SLC6A11: variants seen among roughly 807,000 people sequenced by gnomAD.
SLC6A11 encodes the protein sodium- and chloride-dependent GABA transporter 3.
Under a neutral mutation model 74.8 loss-of-function variants are expected in SLC6A11, and 25 were observed. The observed-to-expected ratio is 0.33, with a 90% CI of 0.24 to 0.47. The LOEUF (loss-of-function observed/expected upper bound fraction) is 0.47, where lower values mean the gene tolerates loss of function less well. Ranked by LOEUF, SLC6A11 falls within the 20% of genes least tolerant of loss-of-function variation. The pLI is 1.00. For synonymous variants in SLC6A11, 330 were observed against 330.2 expected, an observed-to-expected ratio of 1.00 and a Z score of 0.01; for missense variants, 574 against 837.0, an observed-to-expected ratio of 0.69 and a Z score of 3.88.
rs1695490780 is a variant in SLC6A11 at position 10,918,539 on chromosome 3, G to T, written c.1120+86G>T. 5 of 1,458,228 alleles carry T rather than the reference G, an allele frequency of 3.4e-6. No homozygotes were observed. Among genetic ancestry groups the T allele is most frequent in the Non-Finnish European group, 3.7e-6 (4 of 1,081,484 alleles). The allele number at this position is 1,458,228 out of a possible 1,614,324, so 90.3% of individuals were successfully genotyped here. A position where few individuals can be genotyped will look rare whatever the true frequency, so the allele number is the denominator to read the frequency against. On this transcript the variant is annotated intron_variant, in intron 8 of 13. Transcript: ENST00000254488. The surrounding 1 kb of genome is among the most constrained non-coding windows in gnomAD (Gnocchi z 4.5). ...CATGGAAATGCGATCTTCCTCCTCG[G>T]CTCACACATCTCCTGGATTCAGGCC...
At chr3:10,885,778 C>G (rs1196151229) in intron 6 of SLC6A11, among the ~76,000 whole-genome samples, 1 of 152,230 alleles carries the variant, frequency 6.6e-6, no homozygotes, top group East Asian at 1.9e-4. Context: ...GCCCCCATCC[C>G]CTTGCCTCCC....
At chr3:10,891,000 G>T (rs896076632) in intron 6 of SLC6A11, among the ~76,000 whole-genome samples, 4 of 152,308 alleles carry the variant, frequency 2.6e-5, no homozygotes, top group Admixed American at 6.5e-5. Context: ...CTAACTTCTG[G>T]CTCACTATGG....
intron 4 of SLC6A11, among the ~76,000 whole-genome samples, chr3:10,830,872 G>A (rs746434419): frequency 6.6e-5 from 10 of 152,124 alleles, no homozygotes; most frequent in Non-Finnish European, 1.5e-4. Flanking sequence ...TCAGGCCTGG[G>A]GATAAGGCAG....
At chr3:10,817,164 C>G (rs202238104) in intron 1 of SLC6A11, among the ~76,000 whole-genome samples, 1 of 152,218 alleles carries the variant, frequency 6.6e-6, no homozygotes, top group Non-Finnish European at 1.5e-5. Context: ...CCTGCCTAGT[C>G]TTTCGTCTGC....
At chr3:10,827,635 A>T (rs1485143) in intron 4 of SLC6A11, among the ~76,000 whole-genome samples, 75,922 of 152,084 alleles carry the variant, frequency 0.5, 21,548 homozygotes, top group African/African-American at 0.76. Flanking sequence ...TTATAGTTCA[A>T]TCATTTGACA....
At chr3:10,832,352 A>T (rs146816033) in intron 4 of SLC6A11, among the ~76,000 whole-genome samples, 217 of 152,182 alleles carry the variant, frequency 1.4e-3, no homozygotes, top group African/African-American at 5.0e-3. Flanking sequence ...AGGAGGTCCC[A>T]TTGAGGACAC....
At chr3:10,902,619 G>C in intron 6 of SLC6A11, among the ~76,000 whole-genome samples, 1 of 152,230 alleles carries the variant, frequency 6.6e-6, no homozygotes, top group African/African-American at 2.4e-5. Context: ...GCCCAGGGTT[G>C]CATAGCAGTA....
At chr3:10,855,944 C>G (rs1434976248) in intron 5 of SLC6A11, among the ~76,000 whole-genome samples, 1 of 152,166 alleles carries the variant, frequency 6.6e-6, no homozygotes, top group East Asian at 1.9e-4. Context: ...ATGCCAGGGA[C>G]TCTTAGAGCA....
At chr3:10,909,944 GTA>G (rs1480119215) in intron 6 of SLC6A11, among the ~76,000 whole-genome samples, 2 of 152,134 alleles carry the variant, frequency 1.3e-5, no homozygotes, top group Non-Finnish European at 2.9e-5. Context: ...CCCCCAAATT[GTA>G]TTTACCCTTT....
chr3:10,888,235 C>T (rs545341485), intron 6 of SLC6A11, among the ~76,000 whole-genome samples: 1 of 152,340 alleles, frequency 6.6e-6, no homozygotes, highest in Admixed American at 6.5e-5. Flanking sequence ...CTTTACTCAT[C>T]TCCTTCCTCC....
In SLC6A11 at chr3:10,889,290, A is replaced by G. The variant is rs1377801029; in HGVS notation, c.891+14195A>G. Among the ~76,000 whole-genome samples, 4 of 152,134 alleles carry G rather than the reference A, an allele frequency of 2.6e-5. No individual in the cohort carries two copies. The East Asian group carries it at 7.7e-4, about 29-fold the overall frequency. On this transcript the variant is annotated intron_variant, in intron 6 of 13. Transcript: ENST00000254488. ...ATTTATTATTATTAATTAAATCCAT[A>G]GTTGACATTGGAGTTCTCTCTTGGT...
chr3:10,870,586 G>A (rs944712755), intron 5 of SLC6A11, among the ~76,000 whole-genome samples: 33 of 152,196 alleles, frequency 2.2e-4, no homozygotes, highest in African/African-American at 7.7e-4. Flanking sequence ...ATGCACAGCT[G>A]TTCTCAGGAA....
chr3:10,841,935 A>G (rs1694443522), intron 4 of SLC6A11, among the ~76,000 whole-genome samples: 1 of 152,212 alleles, frequency 6.6e-6, no homozygotes, highest in Admixed American at 6.5e-5. Flanking sequence ...GCTGGTGCAG[A>G]GTACACCTGG....
intron 8 of SLC6A11, among the ~76,000 whole-genome samples, chr3:10,922,028 T>C (rs9829082): frequency 0.024 from 3,641 of 152,302 alleles, 162 homozygotes; most frequent in African/African-American, 0.084. Flanking sequence ...ACAAGCATAG[T>C]TGGAGATTTT....
intron 4 of SLC6A11, chr3:10,825,365 A>G (rs546886415): frequency 6.6e-6 from 1 of 151,896 alleles, no homozygotes; most frequent in Non-Finnish European, 1.5e-5. Flanking sequence ...GCACCTTTTC[A>G]TGTTTTGTTT....
intron 6 of SLC6A11, among the ~76,000 whole-genome samples, chr3:10,878,386 A>G (rs1399437303): frequency 2.7e-5 from 4 of 146,404 alleles, no homozygotes; most frequent in Non-Finnish European, 6.0e-5. Flanking sequence ...AACTTGACTG[A>G]CCAACCATCC....
intron 4 of SLC6A11, among the ~76,000 whole-genome samples, chr3:10,827,581 G>C (rs1201326495): frequency 1.3e-5 from 2 of 152,120 alleles, no homozygotes; most frequent in Non-Finnish European, 2.9e-5. Flanking sequence ...CTTCAGTCAG[G>C]GCCACATTGC....
chr3:10,825,612 T>C (rs1458996961), intron 4 of SLC6A11: 1 of 152,216 alleles, frequency 6.6e-6, no homozygotes, highest in African/African-American at 2.4e-5. Context: ...ATTTAAGATA[T>C]ATTTCCCTAC....
At chr3:10,851,071 C>T (rs1445005611) in intron 5 of SLC6A11, among the ~76,000 whole-genome samples, 1 of 152,184 alleles carries the variant, frequency 6.6e-6, no homozygotes, top group East Asian at 1.9e-4. Flanking sequence ...GCCACCCCTG[C>T]CCAGCGGACA....
Sources: gnomAD v4.1 joint callset for allele counts (sites outside exome capture counted in the v4.1 genomes callset) on GRCh38, gnomAD v4.1.1 for gene constraint, Gnocchi (gnomAD v3.1) non-coding constraint, MANE v1.5 for transcripts, NCBI Gene and HGNC (gene_info 2026-07-23, HGNC 2026-07-21) for gene names.